PKN2: variants seen among roughly 807,000 people sequenced by gnomAD.
PKN2 encodes serine/threonine-protein kinase N2.
Under a neutral mutation model 119.1 loss-of-function variants are expected in PKN2, and 38 were observed. That is an observed-to-expected ratio of 0.32 (90% CI 0.25 to 0.42). PKN2 has a LOEUF of 0.42. Ranked by LOEUF, PKN2 falls within the 10% of genes least tolerant of loss-of-function variation. The pLI is 1.00. For missense variants in PKN2, 850 were observed against 1,165.1 expected, an observed-to-expected ratio of 0.73 and a Z score of 3.94; for synonymous variants, 390 against 384.9, an observed-to-expected ratio of 1.01 and a Z score of -0.15.
chr1:88,717,797 A>C (rs965206746), intron 1 of PKN2, among the ~76,000 whole-genome samples: 1 of 152,060 alleles, frequency 6.6e-6, no homozygotes, highest in Non-Finnish European at 1.5e-5. Flanking sequence ...TACTTCTGTC[A>C]ACTCGTCAAA....
intron 1 of PKN2, among the ~76,000 whole-genome samples, chr1:88,722,375 A>G (rs1406765992): frequency 6.6e-6 from 1 of 152,142 alleles, no homozygotes; most frequent in Non-Finnish European, 1.5e-5. Flanking sequence ...TTCTGATTCT[A>G]CCTGTTTATG....
intron 2 of PKN2, among the ~76,000 whole-genome samples, chr1:88,748,269 A>G (rs1028571579): frequency 3.3e-5 from 5 of 151,628 alleles, no homozygotes; most frequent in Non-Finnish European, 5.9e-5. Flanking sequence ...CTTCACCTCT[A>G]TATTCCCTGA....
intron 3 of PKN2, among the ~76,000 whole-genome samples, chr1:88,765,564 G>T (rs543651697): frequency 6.6e-6 from 1 of 152,308 alleles, no homozygotes. Flanking sequence ...GTATGCATGT[G>T]TGATACCACC....
intron 16 of PKN2, among the ~76,000 whole-genome samples, chr1:88,820,223 T>C (rs1245684507): frequency 3.2e-4 from 13 of 40,498 alleles, no homozygotes; most frequent in Non-Finnish European, 5.0e-4. Context: ...TATATATATA[T>C]ATATATATAT....
At chr1:88,717,163 A>G (rs9729089) in intron 1 of PKN2, among the ~76,000 whole-genome samples, 1 of 151,976 alleles carries the variant, frequency 6.6e-6, no homozygotes, top group Non-Finnish European at 1.5e-5. Flanking sequence ...CCAAGAGATC[A>G]GCTGTTAGTC....
At chr1:88,708,856 AT>A (rs796603019) in intron 1 of PKN2, among the ~76,000 whole-genome samples, 52 of 151,940 alleles carry the variant, frequency 3.4e-4, no homozygotes, top group African/African-American at 1.2e-3. Flanking sequence ...TAGGCAGATA[AT>A]TTTACTTGTT....
chr1:88,817,320 G>A (rs563698948), intron 16 of PKN2, among the ~76,000 whole-genome samples: 39 of 151,388 alleles, frequency 2.6e-4, no homozygotes, highest in African/African-American at 6.3e-4. Context: ...CTCAATAGAT[G>A]CAAAAAAGGC....
chr1:88,750,461 T>C (rs780051540), intron 2 of PKN2, among the ~76,000 whole-genome samples: 2 of 152,192 alleles, frequency 1.3e-5, no homozygotes, highest in African/African-American at 2.4e-5. Context: ...CTACACGTTT[T>C]GGGGGAAGCT....
Position 88,833,458 on chromosome 1 carries a change from C to A in PKN2, c.*10C>A. ...TGCTGATTGGTGTTAAGTTGCTAGA[C>A]ACTGCGAAACCAAGCTGACTCACAA... is the stretch of plus-strand genomic sequence containing the variant. On this transcript the variant is annotated 3_prime_UTR_variant, in exon 22 of 22. Coordinates refer to ENST00000370521, the MANE Select transcript of PKN2 (RefSeq NM_006256.4). 6.2e-7 allele frequency: 1 copy of A among 1,608,360 alleles called. No individual in the cohort carries two copies. Among genetic ancestry groups the A allele is most frequent in the Non-Finnish European group, 8.5e-7 (1 of 1,175,220 alleles).
intron 15 of PKN2, among the ~76,000 whole-genome samples, chr1:88,810,761 C>T (rs374448429): frequency 2.1e-4 from 32 of 152,000 alleles, no homozygotes; most frequent in African/African-American, 5.8e-4. Context: ...TGTGCACCAC[C>T]ATGCCCAGTT....
intron 1 of PKN2, among the ~76,000 whole-genome samples, chr1:88,691,299 A>C (rs1208115970): frequency 2.0e-5 from 3 of 152,002 alleles, no homozygotes; most frequent in Non-Finnish European, 4.4e-5. Context: ...TGCTGGACTC[A>C]AGCAGTCCAC....
At chr1:88,710,751 A>G (rs1667196877) in intron 1 of PKN2, among the ~76,000 whole-genome samples, 1 of 152,252 alleles carries the variant, frequency 6.6e-6, no homozygotes, top group Non-Finnish European at 1.5e-5. Context: ...CAATTCTTCA[A>G]AGACCTAAAG....
At chr1:88,797,151 T>A (rs1030595015) in intron 8 of PKN2, among the ~76,000 whole-genome samples, 1 of 151,278 alleles carries the variant, frequency 6.6e-6, no homozygotes, top group Non-Finnish European at 1.5e-5. Flanking sequence ...CTGGCCAACA[T>A]GGTGAAACCC....
chr1:88,772,392 A>G (rs1669932699), intron 6 of PKN2, among the ~76,000 whole-genome samples: 1 of 152,176 alleles, frequency 6.6e-6, no homozygotes, highest in African/African-American at 2.4e-5. Flanking sequence ...CTTTTTGTGC[A>G]CCCAACATGA....
chr1:88,792,869 A>G (rs781730693), intron 8 of PKN2, among the ~76,000 whole-genome samples: 21 of 152,170 alleles, frequency 1.4e-4, no homozygotes, highest in African/African-American at 2.4e-5. Context: ...CAGCATCACT[A>G]GTGGTACTTT....
intron 8 of PKN2, among the ~76,000 whole-genome samples, chr1:88,793,621 T>G (rs116504457): frequency 0.011 from 1,689 of 152,286 alleles, 27 homozygotes; most frequent in African/African-American, 0.039. Context: ...TGCATACAGT[T>G]GTCCCTTGGT....
intron 3 of PKN2, among the ~76,000 whole-genome samples, chr1:88,768,671 C>T (rs906696044): frequency 3.3e-5 from 5 of 152,166 alleles, no homozygotes; most frequent in African/African-American, 7.2e-5. Flanking sequence ...TTGACATCTT[C>T]GAGTAGGTCA....
intron 1 of PKN2, among the ~76,000 whole-genome samples, chr1:88,695,673 G>A (rs1570486101): frequency 2.0e-5 from 3 of 152,224 alleles, no homozygotes; most frequent in East Asian, 1.9e-4. Flanking sequence ...TTCTTGGAAT[G>A]TTAGCCATCC....
At chr1:88,784,573 A>T in intron 6 of PKN2, 66 bp from the exon 7 acceptor site, 1 of 1,001,520 alleles carries the variant, frequency 1.0e-6, no homozygotes, top group Non-Finnish European at 1.4e-6. Context: ...TAGGTAAGAG[A>T]TTTAGATTAA....
Sources: gnomAD v4.1 joint callset for allele counts (sites outside exome capture counted in the v4.1 genomes callset) on GRCh38, gnomAD v4.1.1 for gene constraint, MANE v1.5 for transcripts, NCBI Gene and HGNC (gene_info 2026-07-23, HGNC 2026-07-21) for gene names.